The following PTPN22 variants were observed in gnomAD, a reference collection of about 807,000 sequenced individuals.
The protein encoded by PTPN22 is tyrosine-protein phosphatase non-receptor type 22.
A neutral mutation model predicts 103.3 loss-of-function variants in PTPN22; 85 were observed. The observed-to-expected ratio is 0.82, with a 90% CI of 0.69 to 0.99. The LOEUF (loss-of-function observed/expected upper bound fraction) is 0.99, where lower values mean the gene tolerates loss of function less well. Ranked by LOEUF, PTPN22 falls within the 50% of genes least tolerant of loss-of-function variation. The pLI is 0.00. For synonymous variants in PTPN22, 323 were observed against 310.2 expected, an observed-to-expected ratio of 1.04 and a Z score of -0.43; for missense variants, 865 against 936.9, an observed-to-expected ratio of 0.92 and a Z score of 1.00.
chr1:113,852,718 T>G (rs1664678721), intron 9 of PTPN22, among the ~76,000 whole-genome samples: 1 of 152,192 alleles, frequency 6.6e-6, no homozygotes. Context: ...CTAACCCCCT[T>G]GGGGTTCAAC....
chr1:113,825,313 T>C, intron 18 of PTPN22, 141 bp from the exon 19 acceptor site: 1 of 616,216 alleles, frequency 1.6e-6, no homozygotes, highest in Non-Finnish European at 2.8e-6. Flanking sequence ...TTTTTCCATC[T>C]TGCCATTTTT....
chr1:113,862,220 T>C (rs1026928890), intron 1 of PTPN22, among the ~76,000 whole-genome samples: 2 of 151,950 alleles, frequency 1.3e-5, no homozygotes, highest in Admixed American at 6.5e-5. Context: ...AAGGCAGAGA[T>C]TGCAGTAAGC....
At chr1:113,825,094 A>G (rs1181441508) in intron 19 of PTPN22, 48 bp downstream of exon 19, 3 of 1,333,292 alleles carry the variant, frequency 2.3e-6, no homozygotes, top group Non-Finnish European at 3.1e-6. Context: ...ATAAATAAAA[A>G]TTACAAAATT....
intron 13 of PTPN22, among the ~76,000 whole-genome samples, chr1:113,836,762 TAA>T (rs967101861): frequency 3.5e-5 from 5 of 141,662 alleles, no homozygotes; most frequent in African/African-American, 5.2e-5. Context: ...ACCCCATTTC[TAA>T]AAAAAAAAAA....
chr1:113,821,863 T>C (rs148139118), intron 19 of PTPN22, among the ~76,000 whole-genome samples: 356 of 152,332 alleles, frequency 2.3e-3, no homozygotes, highest in Non-Finnish European at 3.4e-3. Context: ...AGTGTCCACA[T>C]GTAATAAGTG....
intron 9 of PTPN22, among the ~76,000 whole-genome samples, chr1:113,854,110 C>T (rs960237424): frequency 2.0e-5 from 3 of 152,060 alleles, no homozygotes; most frequent in Non-Finnish European, 4.4e-5. Context: ...TCGTGATCCA[C>T]CTCCCTCGGC....
chr1:113,858,209 C>T (rs1413543741), intron 4 of PTPN22, among the ~76,000 whole-genome samples: 1 of 152,036 alleles, frequency 6.6e-6, no homozygotes, highest in Non-Finnish European at 1.5e-5. Context: ...AGGCACACAC[C>T]ACCACTCCCA....
intron 17 of PTPN22, 59 bp downstream of exon 17, chr1:113,829,890 G>A (rs1662405061): frequency 6.8e-7 from 1 of 1,460,958 alleles, no homozygotes; most frequent in South Asian, 1.2e-5. Context: ...CTACTTTATT[G>A]TTAATCTTTT....
intron 18 of PTPN22, among the ~76,000 whole-genome samples, chr1:113,828,332 T>C (rs1221790452): frequency 6.6e-6 from 1 of 152,186 alleles, no homozygotes; most frequent in Non-Finnish European, 1.5e-5. Flanking sequence ...CACTCCCAGG[T>C]TGTAAAAGAC....
At position 113,836,719 on chromosome 1, in the gene PTPN22, G is replaced by A. The variant is rs555286776; in HGVS notation, c.1810+871C>T. On this transcript the variant is annotated intron_variant, in intron 13 of 20. Transcript: ENST00000359785. ...AAGGTGGGAGGATTGCTTGAGGCCAGATTTTCAAGACCAGGCTGGGCAACA... is the reference window on the plus strand; with the variant it reads ...AAGGTGGGAGGATTGCTTGAGGCCAAATTTTCAAGACCAGGCTGGGCAACA... Among the ~76,000 whole-genome samples, 331 of 151,470 alleles carry A rather than the reference G, an allele frequency of 2.2e-3. 1 individual carries two copies. The highest frequency in any genetic ancestry group is 3.1e-3 in the Non-Finnish European group (207 of 67,862).
chr1:113,856,751 C>G, intron 5 of PTPN22, 132 bp from the exon 6 acceptor site: 1 of 1,110,076 alleles, frequency 9.0e-7, no homozygotes, highest in South Asian at 1.6e-5. Flanking sequence ...TGGGCTTCAA[C>G]CCCTACATTA....
intron 19 of PTPN22, among the ~76,000 whole-genome samples, chr1:113,822,317 T>C (rs1239667944): frequency 3.3e-5 from 5 of 152,222 alleles, no homozygotes; most frequent in African/African-American, 1.2e-4. Flanking sequence ...GTGATCGTTT[T>C]ATACTTTTCT....
chr1:113,854,594 T>C, intron 8 of PTPN22, 57 bp from the exon 9 acceptor site: 7 of 1,510,738 alleles, frequency 4.6e-6, no homozygotes, highest in Non-Finnish European at 6.4e-6. Flanking sequence ...GAATGGACCA[T>C]TGACAGTAGC....
At chr1:113,860,916 T>A (rs751166681) in intron 1 of PTPN22, among the ~76,000 whole-genome samples, 1 of 152,234 alleles carries the variant, frequency 6.6e-6, no homozygotes, top group Non-Finnish European at 1.5e-5. Context: ...GCGTAAGATA[T>A]CCTTCAATTA....
intron 5 of PTPN22, chr1:113,856,962 A>G (rs754228117): frequency 1.9e-5 from 4 of 208,592 alleles, no homozygotes; most frequent in Non-Finnish European, 2.9e-5. Context: ...AGAATTGTCA[A>G]CTCAGAATGG....
chr1:113,846,939 T>C (rs1237760251), intron 11 of PTPN22, among the ~76,000 whole-genome samples: 1 of 151,946 alleles, frequency 6.6e-6, no homozygotes, highest in African/African-American at 2.4e-5. Flanking sequence ...TCCAGTACTT[T>C]TTCAGCCCTG....
intron 11 of PTPN22, 66 bp from the exon 12 acceptor site, chr1:113,838,686 T>C (rs1216586284): frequency 1.3e-6 from 2 of 1,542,032 alleles, no homozygotes; most frequent in African/African-American, 1.4e-5. Flanking sequence ...TTTTAATATT[T>C]AGAAGGCTGA....
intron 19 of PTPN22, 64 bp from the exon 20 acceptor site, chr1:113,819,718 G>A: frequency 9.4e-7 from 1 of 1,066,704 alleles, no homozygotes; most frequent in South Asian, 1.8e-5. Flanking sequence ...CTGTTGATCA[G>A]ATCACATATA....
chr1:113,855,233 G>A (rs1571439680), intron 7 of PTPN22, among the ~76,000 whole-genome samples, 184 bp from the exon 8 acceptor site: 1 of 152,164 alleles, frequency 6.6e-6, no homozygotes, highest in African/African-American at 2.4e-5. Context: ...GGTGGCTTAC[G>A]CCTGTAATCC....
Sources: gnomAD v4.1 joint callset for allele counts (sites outside exome capture counted in the v4.1 genomes callset) on GRCh38, gnomAD v4.1.1 for gene constraint, MANE v1.5 for transcripts, NCBI Gene and HGNC (gene_info 2026-07-23, HGNC 2026-07-21) for gene names.